MCTP1: variants seen among roughly 807,000 people sequenced by gnomAD.
MCTP1 encodes multiple C2 and transmembrane domain-containing protein 1.
A neutral mutation model predicts 120.6 loss-of-function variants in MCTP1; 69 were observed. The observed-to-expected ratio is 0.57, with a 90% CI of 0.47 to 0.70. The LOEUF is 0.70. Among genes scored for constraint, MCTP1 ranks in the 30% least tolerant of loss-of-function variants. The pLI is 0.00. For missense variants in MCTP1, 1,203 were observed against 1,248.8 expected, an observed-to-expected ratio of 0.96 and a Z score of 0.55; for synonymous variants, 529 against 493.1, an observed-to-expected ratio of 1.07 and a Z score of -0.96.
intron 10 of MCTP1, among the ~76,000 whole-genome samples, chr5:94,900,867 G>C (rs894154545): frequency 6.6e-6 from 1 of 152,284 alleles, no homozygotes; most frequent in East Asian, 1.9e-4. Flanking sequence ...AGAATTGTAA[G>C]AACACAGGAA....
intron 19 of MCTP1, among the ~76,000 whole-genome samples, chr5:94,763,344 T>C (rs1771782253): frequency 6.6e-6 from 1 of 152,218 alleles, no homozygotes; most frequent in Non-Finnish European, 1.5e-5. Context: ...TTCACAATCT[T>C]AAATGTAGAT....
chr5:94,946,493 G>A (rs1380346822), intron 3 of MCTP1, among the ~76,000 whole-genome samples: 2 of 152,154 alleles, frequency 1.3e-5, no homozygotes, highest in African/African-American at 4.8e-5. Flanking sequence ...GGTAAAAAGA[G>A]ATACACATTT....
intron 1 of MCTP1, among the ~76,000 whole-genome samples, chr5:95,182,068 A>C (rs543268074): frequency 6.6e-6 from 1 of 152,360 alleles, no homozygotes; most frequent in African/African-American, 2.4e-5. Flanking sequence ...AAATAGAGTT[A>C]CAAAAGAAAT....
At chr5:95,022,741 C>G (rs976734785) in intron 1 of MCTP1, among the ~76,000 whole-genome samples, 40 of 152,084 alleles carry the variant, frequency 2.6e-4, no homozygotes, top group African/African-American at 9.7e-4. Flanking sequence ...CCAGGTATAC[C>G]CTTAGAATCC....
At chr5:94,932,194 C>T (rs184715287) in intron 5 of MCTP1, among the ~76,000 whole-genome samples, 80 of 109,866 alleles carry the variant, frequency 7.3e-4, no homozygotes, top group African/African-American at 2.7e-3. Flanking sequence ...GGTGAGAGTT[C>T]ATTTGATTTA....
At chr5:95,154,538 A>T (rs1362128808) in intron 1 of MCTP1, among the ~76,000 whole-genome samples, 1 of 152,202 alleles carries the variant, frequency 6.6e-6, no homozygotes, top group Non-Finnish European at 1.5e-5. Flanking sequence ...TTACATACTA[A>T]TTAGGAATTT....
chr5:95,032,663 C>T (rs1840522802), intron 1 of MCTP1, among the ~76,000 whole-genome samples: 1 of 151,938 alleles, frequency 6.6e-6, no homozygotes, highest in African/African-American at 2.4e-5. Context: ...AACAACCTAA[C>T]ATGACACCCA....
At chr5:94,987,481 G>T (rs1413236302) in intron 2 of MCTP1, among the ~76,000 whole-genome samples, 1 of 152,172 alleles carries the variant, frequency 6.6e-6, no homozygotes, top group Non-Finnish European at 1.5e-5. Flanking sequence ...ATGTTCTGCA[G>T]AGTTTTCATG....
intron 1 of MCTP1, among the ~76,000 whole-genome samples, chr5:95,039,899 A>G (rs993283828): frequency 2.7e-5 from 4 of 150,790 alleles, no homozygotes; most frequent in East Asian, 3.9e-4. Flanking sequence ...AAAAAAAAAA[A>G]AAAGAAAGAT....
chr5:95,218,063 G>T (rs972496970), intron 1 of MCTP1, among the ~76,000 whole-genome samples: 8 of 152,198 alleles, frequency 5.3e-5, no homozygotes, highest in African/African-American at 1.9e-4. Context: ...AGCCTTCCAG[G>T]CACATTCCAA....
intron 1 of MCTP1, among the ~76,000 whole-genome samples, chr5:95,173,949 A>G (rs1176898421): frequency 6.6e-6 from 1 of 152,202 alleles, no homozygotes; most frequent in African/African-American, 2.4e-5. Context: ...AATCAGTTAA[A>G]GAAATGGAAG....
chr5:94,720,126 A>G lies in MCTP1; in HGVS notation c.2611-5240T>C, dbSNP rs151154326. Among the ~76,000 whole-genome samples the G allele has an allele frequency of 5.9e-3, 902 of 151,798 alleles. 12 individuals are homozygous for G. The highest frequency in any genetic ancestry group is 0.021 in the African/African-American group (867 of 41,476). Reference sequence around the variant, plus strand: ...GGGCAACAAGAGCGAAACTCCTCTCAAAAAAAATAAATAAATAAAAATAAA... The same window carrying G: ...GGGCAACAAGAGCGAAACTCCTCTCGAAAAAAATAAATAAATAAAAATAAA... On this transcript the variant is annotated intron_variant, in intron 19 of 22. Coordinates refer to ENST00000515393, the MANE Select transcript of MCTP1 (RefSeq NM_024717.7).
At chr5:94,909,906 G>T (rs1313438882) in intron 9 of MCTP1, among the ~76,000 whole-genome samples, 2 of 151,906 alleles carry the variant, frequency 1.3e-5, no homozygotes, top group African/African-American at 4.8e-5. Context: ...GGGTAGTCAG[G>T]CAAACTTTTA....
chr5:95,072,881 G>A (rs1238529623), intron 1 of MCTP1, among the ~76,000 whole-genome samples: 1 of 151,786 alleles, frequency 6.6e-6, no homozygotes, highest in African/African-American at 2.4e-5. Context: ...GATTAGCTGG[G>A]ACTACAGGTG....
intron 1 of MCTP1, among the ~76,000 whole-genome samples, chr5:95,074,075 C>T (rs901818147): frequency 5.9e-5 from 9 of 152,118 alleles, no homozygotes; most frequent in Non-Finnish European, 1.2e-4. Flanking sequence ...GAGATGGTGC[C>T]ACTGCACTCC....
intron 2 of MCTP1, among the ~76,000 whole-genome samples, chr5:94,989,172 C>T (rs1831018183): frequency 6.6e-6 from 1 of 152,118 alleles, no homozygotes; most frequent in Non-Finnish European, 1.5e-5. Context: ...CTCAAGCAAT[C>T]CTCCCACCTC....
chr5:94,872,286 G>T (rs1797972708), intron 13 of MCTP1, among the ~76,000 whole-genome samples: 2 of 151,986 alleles, frequency 1.3e-5, no homozygotes, highest in South Asian at 4.1e-4. Context: ...TACGCATTCT[G>T]GAGAAAAACA....
chr5:95,214,000 C>G (rs1413841467), intron 1 of MCTP1, among the ~76,000 whole-genome samples: 1 of 152,148 alleles, frequency 6.6e-6, no homozygotes, highest in East Asian at 1.9e-4. Context: ...CAACAAAAGC[C>G]AAAATTGACA....
At chr5:94,990,984 T>G (rs1201445835) in intron 2 of MCTP1, among the ~76,000 whole-genome samples, 1 of 152,176 alleles carries the variant, frequency 6.6e-6, no homozygotes. Flanking sequence ...GTGCAATGCT[T>G]TCTCTTCACA....
Sources: gnomAD v4.1 joint callset for allele counts (sites outside exome capture counted in the v4.1 genomes callset) on GRCh38, gnomAD v4.1.1 for gene constraint, MANE v1.5 for transcripts, NCBI Gene and HGNC (gene_info 2026-07-23, HGNC 2026-07-21) for gene names.